Variants in DOCK3 observed in about 807,000 individuals in gnomAD.
The protein encoded by DOCK3 is dedicator of cytokinesis protein 3.
A neutral mutation model predicts 265.6 loss-of-function variants in DOCK3; 60 were observed. The ratio of observed to expected loss-of-function variants is 0.23; its 90% CI spans 0.18 to 0.28. The LOEUF is 0.28. Among genes scored for constraint, DOCK3 ranks in the 10% least tolerant of loss-of-function variants. The pLI, the probability that DOCK3 is intolerant of heterozygous loss-of-function variation, is 1.00. For synonymous variants in DOCK3, 881 were observed against 938.0 expected, an observed-to-expected ratio of 0.94 and a Z score of 1.11; for missense variants, 1,981 against 2,594.3, an observed-to-expected ratio of 0.76 and a Z score of 5.14.
intron 2 of DOCK3, among the ~76,000 whole-genome samples, chr3:50,806,395 C>T (rs1476016357): frequency 1.3e-5 from 2 of 151,900 alleles, no homozygotes; most frequent in Admixed American, 1.3e-4. Context: ...TTATTGGGAG[C>T]ATAGGACCTT....
intron 12 of DOCK3, among the ~76,000 whole-genome samples, chr3:51,176,463 A>T (rs1356846737): frequency 6.9e-5 from 3 of 43,756 alleles, no homozygotes; most frequent in South Asian, 9.1e-4. Flanking sequence ...TAAAAAATAA[A>T]AAAAAAAAAA....
chr3:51,288,899 T>G (rs963006049), intron 27 of DOCK3, among the ~76,000 whole-genome samples: 2 of 148,124 alleles, frequency 1.4e-5, no homozygotes, highest in South Asian at 2.1e-4. Context: ...TGTGTGTGTG[T>G]GTGGGTGTGT....
At chr3:51,159,169 G>A in intron 10 of DOCK3, 75 bp from the exon 11 acceptor site, 1 of 1,442,296 alleles carries the variant, frequency 6.9e-7, no homozygotes, top group Non-Finnish European at 9.7e-7. Context: ...AAAAGCAAAT[G>A]ACTAGAGATT....
intron 21 of DOCK3, among the ~76,000 whole-genome samples, chr3:51,245,157 C>T (rs1291385914): frequency 1.3e-5 from 2 of 151,914 alleles, no homozygotes; most frequent in South Asian, 2.1e-4. Flanking sequence ...GGTGAAATCC[C>T]ATCTCTACTA....
chr3:51,143,539 G>T (rs1022857188), intron 9 of DOCK3, among the ~76,000 whole-genome samples: 14 of 152,040 alleles, frequency 9.2e-5, no homozygotes, highest in Non-Finnish European at 1.9e-4. Context: ...CAAAGTGCTG[G>T]GATTACAAGT....
intron 27 of DOCK3, among the ~76,000 whole-genome samples, chr3:51,309,022 G>A (rs1238391084): frequency 2.6e-5 from 4 of 151,768 alleles, no homozygotes; most frequent in African/African-American, 9.7e-5. Flanking sequence ...CATCTCAGAC[G>A]ATGGGTGGCC....
Position 50,849,417 on chromosome 3 carries a change from T to C in DOCK3, c.162+7702T>C, listed in dbSNP as rs542031208. ...ACACACACACACATACACACACACA[T>C]ATATATATGGCAGCAAATATATATA... On this transcript the variant is annotated intron_variant, in intron 3 of 52. Transcript: ENST00000266037. 5.3e-5 allele frequency among the ~76,000 whole-genome samples: 8 copies of C among 151,554 alleles called. No homozygotes were observed. The East Asian group carries it at 5.8e-4, about 11-fold the overall frequency.
chr3:51,360,294 G>A (rs964810319), intron 46 of DOCK3, among the ~76,000 whole-genome samples: 4 of 152,204 alleles, frequency 2.6e-5, no homozygotes, highest in Admixed American at 2.6e-4. Flanking sequence ...CTGGGGCCTC[G>A]CACACGGCCT....
At chr3:51,250,239 C>A (rs1378337318) in intron 22 of DOCK3, among the ~76,000 whole-genome samples, 1 of 150,436 alleles carries the variant, frequency 6.6e-6, no homozygotes, top group East Asian at 2.0e-4. Context: ...GCCAAATCCC[C>A]CTCTGTGAGA....
intron 12 of DOCK3, among the ~76,000 whole-genome samples, chr3:51,169,913 GTA>G (rs1344974545): frequency 6.6e-6 from 1 of 152,086 alleles, no homozygotes; most frequent in Non-Finnish European, 1.5e-5. Context: ...TGGTTTGCTA[GTA>G]TTTTGTTGAG....
chr3:51,183,523 A>G lies in DOCK3; in HGVS notation c.1037+22821A>G, dbSNP rs561580260. ...TCCCTATAGGGTCTAAATGGTATGT[A>G]TTGTTTTCTCCTCTAGATTTCTAAA... On this transcript the variant is annotated intron_variant, in intron 12 of 52. Transcript: ENST00000266037. Among the ~76,000 whole-genome samples the G allele has an allele frequency of 2.0e-5, 3 of 152,284 alleles. No homozygotes were observed. The South Asian group carries it at 6.2e-4, about 32-fold the overall frequency.
chr3:50,768,861 C>T (rs1364452745), intron 1 of DOCK3, among the ~76,000 whole-genome samples: 10 of 152,270 alleles, frequency 6.6e-5, no homozygotes, highest in Non-Finnish European at 8.8e-5. Context: ...TACTGATTTA[C>T]GTTTCCACCA....
chr3:50,785,992 T>C (rs1407514335), intron 2 of DOCK3, among the ~76,000 whole-genome samples: 1 of 152,036 alleles, frequency 6.6e-6, no homozygotes, highest in Non-Finnish European at 1.5e-5. Context: ...TCACTGCTTG[T>C]TATTTGTCTG....
intron 5 of DOCK3, among the ~76,000 whole-genome samples, chr3:50,980,043 A>C (rs1374531740): frequency 1.3e-5 from 2 of 152,220 alleles, no homozygotes; most frequent in Admixed American, 6.5e-5. Context: ...CAGTTCTTAG[A>C]GGAAAGGCTT....
intron 49 of DOCK3, among the ~76,000 whole-genome samples, chr3:51,370,605 G>C (rs2087601505): frequency 6.6e-6 from 1 of 152,252 alleles, no homozygotes. Flanking sequence ...TGAGGAACCT[G>C]CATGGCTCTT....
chr3:51,312,136 C>G, intron 29 of DOCK3, 57 bp downstream of exon 29: 1 of 1,446,354 alleles, frequency 6.9e-7, no homozygotes, highest in Non-Finnish European at 9.5e-7. Context: ...AAAGCCAAAA[C>G]CAAGCTCACT....
At chr3:51,356,909 G>T (rs1165302021) in intron 43 of DOCK3, 53 bp from the exon 44 acceptor site, 2 of 1,545,644 alleles carry the variant, frequency 1.3e-6, no homozygotes, top group South Asian at 1.3e-5. Flanking sequence ...TCAGGAAGAT[G>T]ATGAGGGGTT....
chr3:50,855,807 T>TA (rs2046564782), intron 3 of DOCK3, among the ~76,000 whole-genome samples: 1 of 152,096 alleles, frequency 6.6e-6, no homozygotes, highest in African/African-American at 2.4e-5. Flanking sequence ...CAGCATCCAC[T>TA]AGCTATTCTT....
At chr3:51,066,873 CT>C (rs1487966682) in intron 6 of DOCK3, among the ~76,000 whole-genome samples, 3 of 152,138 alleles carry the variant, frequency 2.0e-5, no homozygotes, top group Non-Finnish European at 4.4e-5. Context: ...AGTAGGATTG[CT>C]TGGCACCTAC....
Sources: gnomAD v4.1 joint callset for allele counts (sites outside exome capture counted in the v4.1 genomes callset) on GRCh38, gnomAD v4.1.1 for gene constraint, MANE v1.5 for transcripts, NCBI Gene and HGNC (gene_info 2026-07-23, HGNC 2026-07-21) for gene names.